The following CNBD1 variants were observed in gnomAD, a reference collection of about 807,000 sequenced individuals.
CNBD1 encodes cyclic nucleotide-binding domain-containing protein 1.
In CNBD1, 71 loss-of-function variants were observed where a neutral mutation model predicts 54.4. That is an observed-to-expected ratio of 1.30 (90% CI 1.08 to 1.59). The LOEUF is 1.59. Among genes scored for constraint, CNBD1 ranks in the 40% most tolerant of loss-of-function variants. CNBD1 has a pLI of 0.00. For missense variants in CNBD1, 659 were observed against 518.0 expected, an observed-to-expected ratio of 1.27 and a Z score of -2.64; for synonymous variants, 182 against 170.7, an observed-to-expected ratio of 1.07 and a Z score of -0.51.
intron 4 of CNBD1, among the ~76,000 whole-genome samples, chr8:87,190,434 C>T (rs556244255): frequency 1.3e-5 from 2 of 152,274 alleles, no homozygotes; most frequent in East Asian, 3.9e-4. Context: ...TCCATGCCAT[C>T]TGATTCAAGC....
intron 4 of CNBD1, among the ~76,000 whole-genome samples, chr8:87,090,898 TG>T (rs1811190775): frequency 1.3e-5 from 2 of 152,064 alleles, no homozygotes; most frequent in Admixed American, 6.6e-5. Flanking sequence ...CCCAGCACTT[TG>T]GGAGGCCAAG....
chr8:87,204,960 CTT>C (rs79939722), intron 4 of CNBD1, among the ~76,000 whole-genome samples: 16 of 145,592 alleles, frequency 1.1e-4, no homozygotes, highest in Admixed American at 2.8e-4. Flanking sequence ...TATTTTTAAA[CTT>C]TTTTTTTTTT....
At chr8:86,887,520 T>C in intron 1 of CNBD1, 22 bp from the exon 2 acceptor site, 1 of 1,490,302 alleles carries the variant, frequency 6.7e-7, no homozygotes, top group Non-Finnish European at 9.1e-7. Flanking sequence ...ATTACTCAAA[T>C]TTTTAATTGA....
chr8:87,334,106 T>A (rs898577448), intron 8 of CNBD1, among the ~76,000 whole-genome samples: 1 of 152,174 alleles, frequency 6.6e-6, no homozygotes, highest in Non-Finnish European at 1.5e-5. Context: ...TGGTTTAGTC[T>A]TGGGAGGGTG....
intron 4 of CNBD1, among the ~76,000 whole-genome samples, chr8:87,165,329 T>C (rs914962977): frequency 6.6e-6 from 1 of 151,966 alleles, no homozygotes; most frequent in African/African-American, 2.4e-5. Flanking sequence ...GCCTGAAAGA[T>C]CTATCTAATA....
chr8:87,093,786 TATATATA>T (rs1159338107), intron 4 of CNBD1, among the ~76,000 whole-genome samples: 1 of 152,132 alleles, frequency 6.6e-6, no homozygotes, highest in Non-Finnish European at 1.5e-5. Context: ...CTCCCATACT[TATATATA>T]AGAAACGTCT....
chr8:87,073,895 A>G (rs1810810391), intron 4 of CNBD1, among the ~76,000 whole-genome samples: 1 of 151,902 alleles, frequency 6.6e-6, no homozygotes, highest in Non-Finnish European at 1.5e-5. Context: ...AGGTCAGGAG[A>G]TTGAGACCAT....
intron 4 of CNBD1, among the ~76,000 whole-genome samples, chr8:87,159,229 T>A (rs971824056): frequency 7.9e-5 from 12 of 152,142 alleles, no homozygotes; most frequent in African/African-American, 9.7e-5. Context: ...TAGTGCATAA[T>A]CCTTCAGGCT....
intron 4 of CNBD1, among the ~76,000 whole-genome samples, chr8:86,957,463 CTT>C (rs1807808414): frequency 6.6e-6 from 1 of 152,012 alleles, no homozygotes; most frequent in Non-Finnish European, 1.5e-5. Context: ...TGGTCCTGGA[CTT>C]TTTTTGGTTG....
intron 4 of CNBD1, among the ~76,000 whole-genome samples, chr8:87,198,851 A>G (rs912490447): frequency 6.6e-6 from 1 of 152,214 alleles, no homozygotes; most frequent in Non-Finnish European, 1.5e-5. Context: ...TAATTTATAA[A>G]GAAAAGGGGT....
chr8:87,247,224 T>C (rs561654440), intron 6 of CNBD1, among the ~76,000 whole-genome samples: 1 of 152,286 alleles, frequency 6.6e-6, no homozygotes, highest in African/African-American at 2.4e-5. Context: ...GATTCGCTTC[T>C]AGCACGGACA....
chr8:86,961,168 A>C (rs1248004496), intron 4 of CNBD1, among the ~76,000 whole-genome samples: 1 of 152,234 alleles, frequency 6.6e-6, no homozygotes, highest in Non-Finnish European at 1.5e-5. Flanking sequence ...ATGTATACAT[A>C]CACAAATGAA....
At chr8:87,423,034 C>T (rs1042069645) in intron 2 of CNBD1, among the ~76,000 whole-genome samples, 5 of 151,870 alleles carry the variant, frequency 3.3e-5, no homozygotes, top group African/African-American at 1.2e-4. Flanking sequence ...CTCTTTGAAG[C>T]AATTGTGAAA....
chr8:87,380,325 C>G (rs1811048728), intron 10 of CNBD1, among the ~76,000 whole-genome samples: 1 of 151,734 alleles, frequency 6.6e-6, no homozygotes, highest in African/African-American at 2.4e-5. Flanking sequence ...ATCAGTTGAT[C>G]ATATATACAT....
At chr8:87,307,092 A>G (rs1809167763) in intron 8 of CNBD1, among the ~76,000 whole-genome samples, 2 of 152,286 alleles carry the variant, frequency 1.3e-5, no homozygotes, top group South Asian at 2.1e-4. Context: ...TAAATAGAAG[A>G]TATTATTTTG....
At chr8:87,172,480 G>A (rs189874289) in intron 4 of CNBD1, among the ~76,000 whole-genome samples, 2 of 151,684 alleles carry the variant, frequency 1.3e-5, no homozygotes, top group East Asian at 1.9e-4. Context: ...GAAGTCTCCA[G>A]GTATTGTTGT....
chr8:87,370,975 T>G lies in CNBD1; in HGVS notation c.1304-11645T>G, dbSNP rs1810774161. Among the ~76,000 whole-genome samples the G allele has an allele frequency of 2.0e-5, 3 of 150,930 alleles. No individual in the cohort carries two copies. The South Asian group carries it at 6.3e-4, about 31-fold the overall frequency. Reference sequence around the variant, plus strand: ...AGCCAGTTTTCCCAGCACCATTTATTAAATAGGGAATCCTTTCCCCATTGC... The same window carrying G: ...AGCCAGTTTTCCCAGCACCATTTATGAAATAGGGAATCCTTTCCCCATTGC... On this transcript the variant is annotated intron_variant, in intron 10 of 10. Transcript: ENST00000518476.
At chr8:87,312,625 C>A (rs976930899) in intron 8 of CNBD1, among the ~76,000 whole-genome samples, 2 of 151,914 alleles carry the variant, frequency 1.3e-5, no homozygotes, top group Admixed American at 6.6e-5. Flanking sequence ...CTTCCATATG[C>A]AAGTAAGAGC....
intron 6 of CNBD1, among the ~76,000 whole-genome samples, chr8:87,263,541 A>G (rs1808186930): frequency 6.7e-6 from 1 of 148,932 alleles, no homozygotes; most frequent in Non-Finnish European, 1.5e-5. Context: ...AAATTAGGTA[A>G]GTAATTGTTT....
Sources: allele counts gnomAD v4.1 joint callset (sites outside exome capture counted in the v4.1 genomes callset), GRCh38; gene constraint gnomAD v4.1.1; transcripts MANE v1.5; gene names NCBI Gene and HGNC (gene_info 2026-07-23, HGNC 2026-07-21).